The following LMX1A variants were observed in gnomAD, a reference collection of about 807,000 sequenced individuals.
LMX1A encodes LIM homeobox transcription factor 1-alpha.
LMX1A carries 15 observed loss-of-function variants against 49.1 expected under a neutral mutation model. The observed-to-expected ratio is 0.31, with a 90% confidence interval of 0.20 to 0.47. The LOEUF (loss-of-function observed/expected upper bound fraction) is 0.47. Ranked by LOEUF, LMX1A falls within the 20% of genes least tolerant of loss-of-function variation. LMX1A has a pLI of 1.00. For synonymous variants in LMX1A, 167 were observed against 185.7 expected (o/e 0.90, Z 0.82); for missense variants, 372 against 475.8 (o/e 0.78, Z 2.03).
intron 3 of LMX1A, among the ~76,000 whole-genome samples, chr1:165,263,174 T>C (rs907117123): frequency 1.3e-5 from 2 of 152,254 alleles, no homozygotes; most frequent in African/African-American, 2.4e-5. Flanking sequence ...TTAAATATCA[T>C]ACATTTGCTA....
chr1:165,275,221 C>T (rs1050751368), intron 3 of LMX1A, among the ~76,000 whole-genome samples: 1 of 152,140 alleles, frequency 6.6e-6, no homozygotes, highest in Non-Finnish European at 1.5e-5. Flanking sequence ...TCACAGCACC[C>T]GACAGCCCCG....
intron 4 of LMX1A, among the ~76,000 whole-genome samples, chr1:165,223,837 C>T (rs1571158710): frequency 6.6e-6 from 1 of 151,406 alleles, no homozygotes; most frequent in African/African-American, 2.4e-5. Context: ...TAGTGTACTA[C>T]ACCCATATAA....
intron 3 of LMX1A, among the ~76,000 whole-genome samples, chr1:165,285,375 A>G (rs1271498705): frequency 6.6e-6 from 1 of 152,212 alleles, no homozygotes; most frequent in African/African-American, 2.4e-5. Flanking sequence ...TCTAAACACA[A>G]TGATGCTATA....
At chr1:165,265,951 A>G (rs1384117839) in intron 3 of LMX1A, among the ~76,000 whole-genome samples, 3 of 152,230 alleles carry the variant, frequency 2.0e-5, no homozygotes, top group African/African-American at 7.2e-5. Flanking sequence ...AAATAGTGAA[A>G]AAGGTAATCA....
chr1:165,296,550 A>G lies in LMX1A; in HGVS notation c.264-46910T>C, dbSNP rs180777796. Among the ~76,000 whole-genome samples the G allele has an allele frequency of 4.6e-5, 7 of 152,352 alleles. No individual in the cohort carries two copies. The East Asian group carries it at 1.3e-3, about 29-fold the overall frequency. On this transcript the variant is annotated intron_variant, in intron 3 of 8. Transcript: ENST00000342310. ...CACGTTGACTGTGTCACCTTCTTCA[A>G]TGTCGCCATTCAGAATTAACTGCTC...
At chr1:165,248,200 G>A (rs572870993) in intron 4 of LMX1A, among the ~76,000 whole-genome samples, 2 of 152,356 alleles carry the variant, frequency 1.3e-5, no homozygotes, top group Admixed American at 1.3e-4. Context: ...ACAAAAGAGA[G>A]AGGGAAAGAG....
chr1:165,311,116 G>T (rs979627736), intron 3 of LMX1A, among the ~76,000 whole-genome samples: 1 of 152,144 alleles, frequency 6.6e-6, no homozygotes, highest in African/African-American at 2.4e-5. Flanking sequence ...CAATCAACAG[G>T]ATTTACATTT....
intron 3 of LMX1A, among the ~76,000 whole-genome samples, chr1:165,257,370 A>G (rs1026474066): frequency 2.4e-4 from 36 of 152,154 alleles, no homozygotes; most frequent in African/African-American, 8.7e-4. Flanking sequence ...GGGTCACGAA[A>G]CAGGCCCATG....
intron 7 of LMX1A, 109 bp from the exon 8 acceptor site, chr1:165,206,143 A>C: frequency 3.0e-6 from 3 of 992,544 alleles, no homozygotes; most frequent in Non-Finnish European, 4.4e-6. Flanking sequence ...AGGTGACATC[A>C]GTGGTCCCAG....
chr1:165,206,993 T>G (rs1164712546), intron 7 of LMX1A, among the ~76,000 whole-genome samples: 1 of 152,146 alleles, frequency 6.6e-6, no homozygotes, highest in Non-Finnish European at 1.5e-5. Context: ...AGAGGCTCTG[T>G]TGAGGGGCCA....
At chr1:165,256,933 A>T (rs1187491095) in intron 3 of LMX1A, among the ~76,000 whole-genome samples, 1 of 149,638 alleles carries the variant, frequency 6.7e-6, no homozygotes, top group South Asian at 2.1e-4. Flanking sequence ...CACCCTAGGG[A>T]CTCCTGGATT....
Position 165,229,474 on chromosome 1 carries a change from C to T in LMX1A, c.497-15661G>A, listed in dbSNP as rs73027297. 2.2e-3 allele frequency among the ~76,000 whole-genome samples: 340 copies of T among 152,306 alleles called. 4 individuals carry two copies. The highest frequency in any genetic ancestry group is 7.9e-3 in the African/African-American group (329 of 41,568). ...GACACCAAATGAGGCAGCACAAGAG[C>T]CCCGCAGTGGGTGGGAGGAAGCCTG... is the stretch of plus-strand genomic sequence containing the variant. On this transcript the variant is annotated intron_variant, in intron 4 of 8. Transcript: ENST00000342310.
chr1:165,254,538 T>C (rs1653166931), intron 3 of LMX1A, among the ~76,000 whole-genome samples: 1 of 152,202 alleles, frequency 6.6e-6, no homozygotes, highest in South Asian at 2.1e-4. Context: ...AAAAGGTGCA[T>C]GTGGTCCACC....
intron 7 of LMX1A, among the ~76,000 whole-genome samples, chr1:165,206,278 A>G (rs1354510): frequency 0.21 from 32,014 of 152,094 alleles, 4,389 homozygotes; most frequent in East Asian, 0.49. Context: ...GATGCTAGCC[A>G]CATGTTTGGC....
chr1:165,336,015 G>T (rs1655887295), intron 3 of LMX1A, among the ~76,000 whole-genome samples: 1 of 152,152 alleles, frequency 6.6e-6, no homozygotes, highest in Non-Finnish European at 1.5e-5. Flanking sequence ...ACATTACCAA[G>T]TAAATTATTA....
rs1374932006 is a variant in LMX1A, at chr1:165,355,291, G to A, written c.76+193C>T. On this transcript the variant is annotated intron_variant, in intron 2 of 8. Coordinates refer to ENST00000342310, the MANE Select transcript of LMX1A (RefSeq NM_177398.4). The surrounding 1 kb of genome is among the most constrained non-coding windows in gnomAD (Gnocchi z 4.7). Reference sequence around the variant, plus strand: ...TCGGTGCCCAGTGCGTGAGGCCTGGGGCGGCTTGTTGGATTTATTTGGGTA... The same window carrying A: ...TCGGTGCCCAGTGCGTGAGGCCTGGAGCGGCTTGTTGGATTTATTTGGGTA... 2.0e-5 allele frequency among the ~76,000 whole-genome samples: 3 copies of A among 152,238 alleles called. No homozygotes were observed. Among genetic ancestry groups the A allele is most frequent in the Non-Finnish European group, 4.4e-5 (3 of 68,030 alleles).
At chr1:165,262,516 G>C (rs1653474105) in intron 3 of LMX1A, among the ~76,000 whole-genome samples, 1 of 152,122 alleles carries the variant, frequency 6.6e-6, no homozygotes. Context: ...AATTAGTCAA[G>C]ACAGAATTAT....
chr1:165,258,894 C>G (rs1461090539), intron 3 of LMX1A, among the ~76,000 whole-genome samples: 1 of 152,180 alleles, frequency 6.6e-6, no homozygotes, highest in Non-Finnish European at 1.5e-5. Flanking sequence ...GAGCAAGTTA[C>G]AAACTCTCTT....
chr1:165,322,701 G>A (rs576982846), intron 3 of LMX1A, among the ~76,000 whole-genome samples: 21 of 152,242 alleles, frequency 1.4e-4, no homozygotes, highest in African/African-American at 5.1e-4. Flanking sequence ...AATGGGCACA[G>A]AGTTTCTTTC....
Sources: allele counts gnomAD v4.1 joint callset (sites outside exome capture counted in the v4.1 genomes callset), GRCh38; gene constraint gnomAD v4.1.1; non-coding constraint Gnocchi (gnomAD v3.1); transcripts MANE v1.5; gene names NCBI Gene and HGNC (gene_info 2026-07-23, HGNC 2026-07-21).